Variants in SSH1 observed in about 807,000 individuals in gnomAD.
The protein encoded by SSH1 is protein phosphatase Slingshot homolog 1.
In SSH1, 43 loss-of-function variants were observed where a neutral mutation model predicts 79.7. That is an observed-to-expected ratio of 0.54 (90% CI 0.42 to 0.70). SSH1 has a LOEUF of 0.70. Among genes scored for constraint, SSH1 ranks in the 30% least tolerant of loss-of-function variants. SSH1 has a pLI of 0.00. For synonymous variants in SSH1, 599 were observed against 538.3 expected (o/e 1.11, Z -1.56); for missense variants, 1,206 against 1,358.8 (o/e 0.89, Z 1.77).
Position 108,843,366 on chromosome 12 carries a change from C to A in SSH1, c.110+9272G>T, listed in dbSNP as rs865812866. ...AACTTACAAGACCTCTAGGGCCTAT[C>A]CAGGGCAAACTGGGCACTGTGAGGC... On this transcript the variant is annotated intron_variant, in intron 2 of 14. Transcript: ENST00000326495. Among the ~76,000 whole-genome samples, 20 of 152,300 alleles carry A rather than the reference C, an allele frequency of 1.3e-4. No homozygotes were observed. The Middle Eastern group carries it at 0.01, about 78-fold the overall frequency.
intron 10 of SSH1, among the ~76,000 whole-genome samples, chr12:108,803,763 A>G (rs1030323081): frequency 6.6e-6 from 1 of 152,192 alleles, no homozygotes; most frequent in Non-Finnish European, 1.5e-5. Context: ...ACAGACTTCC[A>G]GGGAGATCAG....
intron 5 of SSH1, among the ~76,000 whole-genome samples, chr12:108,812,463 G>C (rs1358464016): frequency 6.6e-6 from 1 of 152,240 alleles, no homozygotes; most frequent in Non-Finnish European, 1.5e-5. Context: ...ATAAGGAGGT[G>C]GGTACAGCAC....
At chr12:108,806,541 G>A (rs1039825430) in intron 8 of SSH1, 147 bp from the exon 9 acceptor site, 17 of 757,902 alleles carry the variant, frequency 2.2e-5, no homozygotes, top group Non-Finnish European at 4.0e-5. Flanking sequence ...TCAGGCAGCA[G>A]GGAGAGGTGC....
At chr12:108,854,610 C>T (rs1004149061) in intron 1 of SSH1, among the ~76,000 whole-genome samples, 8 of 152,338 alleles carry the variant, frequency 5.3e-5, no homozygotes, top group African/African-American at 1.9e-4. Flanking sequence ...AAGTGTCTGA[C>T]TCATTATGAA....
chr12:108,802,514 G>T, intron 10 of SSH1, 146 bp from the exon 11 acceptor site: 1 of 682,360 alleles, frequency 1.5e-6, no homozygotes, highest in Non-Finnish European at 2.6e-6. Flanking sequence ...ACCAGCGGCT[G>T]ATATTCAAGG....
chr12:108,846,546 G>A (rs1051066563), intron 2 of SSH1, among the ~76,000 whole-genome samples: 15 of 152,354 alleles, frequency 9.8e-5, no homozygotes, highest in Non-Finnish European at 7.3e-5. Context: ...AGGGGAGAGC[G>A]AGGGAAATGG....
rs751360865 is a variant in SSH1, at chr12:108,799,062, G to A, written c.1287C>T (p.Ile429=). 9 of 1,614,016 alleles carry A rather than the reference G, an allele frequency of 5.6e-6. 1 individual carries two copies. The South Asian group carries it at 9.9e-5, about 18-fold the overall frequency. Residue 429 remains isoleucine, a synonymous_variant, in exon 13 of 15, where the codon ATC becomes ATT. Coordinates refer to ENST00000326495, the MANE Select transcript of SSH1 (RefSeq NM_018984.4). The part of the protein sequence containing the change: ...AYNYVKQKRS[I]TRPNAGFMRQ... Reference sequence around the variant, plus strand: ...TCATAAAGCCCGCGTTGGGGCGCGTGATGCTGCGCTTCTGCTTTACATAGT... The same window carrying A: ...TCATAAAGCCCGCGTTGGGGCGCGTAATGCTGCGCTTCTGCTTTACATAGT...
chr12:108,793,889 G>A (rs1373694546), intron 13 of SSH1, among the ~76,000 whole-genome samples: 1 of 152,232 alleles, frequency 6.6e-6, no homozygotes, highest in African/African-American at 2.4e-5. Flanking sequence ...ATCCCAGCCA[G>A]CAGCTACTCA....
At position 108,788,653 on chromosome 12, in the gene SSH1, G is replaced by A. The variant is rs1299286423; in HGVS notation, c.2485C>T (p.Leu829=). The A allele has an allele frequency of 1.2e-6, 2 of 1,613,888 alleles. No homozygotes were observed. Among genetic ancestry groups the A allele is most frequent in the African/African-American group, 1.3e-5 (1 of 74,940 alleles). Residue 829 remains leucine (L), a synonymous_variant, in exon 15 of 15, where the codon CTA becomes TTA. Transcript: ENST00000326495. ...AGLVRKHTKE[L]ERLKSVPADP... The stretch of plus-strand genomic sequence containing the variant: ...GCAGGCACGCTCTTCAGCCGCTCTA[G>A]CTCTTTGGTGTGCTTGCGGACCAAG...
chr12:108,818,029 A>C (rs997251553), intron 4 of SSH1, among the ~76,000 whole-genome samples: 1 of 151,974 alleles, frequency 6.6e-6, no homozygotes, highest in African/African-American at 2.4e-5. Context: ...GCAAGACCCC[A>C]TATCCACAAA....
At position 108,829,122 on chromosome 12, in the gene SSH1, G is replaced by C. The variant is rs974845380; in HGVS notation, c.111-5761C>G. ...ATGGGTGGATCATTTGAGGTCAGGA[G>C]TTCGAGACTAGCATGGTCAACATGG... On this transcript the variant is annotated intron_variant, in intron 2 of 14. Transcript: ENST00000326495. Among the ~76,000 whole-genome samples, 80 of 152,130 alleles carry C rather than the reference G, an allele frequency of 5.3e-4. 4 individuals are homozygous for C. The highest frequency in any genetic ancestry group is 7.3e-5 in the Non-Finnish European group (5 of 68,028).
At position 108,807,528 on chromosome 12, in the gene SSH1, G is replaced by T; in HGVS notation, c.731+105C>A. On this transcript the variant is annotated intron_variant, in intron 8 of 14. Coordinates refer to ENST00000326495, the MANE Select transcript of SSH1 (RefSeq NM_018984.4). This position sits in a 1 kb window ranked among gnomAD's most constrained non-coding sequence, Gnocchi z 5.2. ...AGGGTTCTCACTCAAGGGACTCCAG[G>T]GGAGGTGTGGCCCAATGCAGGTTCA... 3.7e-6 allele frequency: 4 copies of T among 1,085,864 alleles called. No individual in the cohort carries two copies. Among genetic ancestry groups the T allele is most frequent in the Non-Finnish European group, 5.6e-6 (4 of 720,552 alleles). The allele number at this position is 1,085,864 out of a possible 1,614,324, so 67.3% of individuals were successfully genotyped here.
chr12:108,844,429 G>A (rs1330152213), intron 2 of SSH1, among the ~76,000 whole-genome samples: 1 of 152,176 alleles, frequency 6.6e-6, no homozygotes, highest in African/African-American at 2.4e-5. Flanking sequence ...GACTCTGCAA[G>A]GCTCGCTCCC....
At chr12:108,846,754 G>A (rs951309793) in intron 2 of SSH1, among the ~76,000 whole-genome samples, 5 of 152,204 alleles carry the variant, frequency 3.3e-5, no homozygotes, top group African/African-American at 7.2e-5. Flanking sequence ...CATCCATGGT[G>A]GGCGCCCTCT....
Position 108,789,786 on chromosome 12 carries a change from AC to A in SSH1, c.1894-543del, listed in dbSNP as rs555911044. Among the ~76,000 whole-genome samples the A allele has an allele frequency of 4.4e-4, 66 of 151,710 alleles. 1 individual carries two copies. The highest frequency in any genetic ancestry group is 1.6e-3 in the African/African-American group (65 of 41,432). ...GCAGGAAGGAGGAGGGCACCCCCCT[AC>A]CCCACCCCGCCTGCACAGGACTGTA... On this transcript the variant is annotated intron_variant, in intron 14 of 14. Coordinates refer to ENST00000326495, the MANE Select transcript of SSH1 (RefSeq NM_018984.4).
At chr12:108,800,381 G>A (rs545602432) in intron 12 of SSH1, among the ~76,000 whole-genome samples, 2 of 152,244 alleles carry the variant, frequency 1.3e-5, no homozygotes, top group South Asian at 4.1e-4. Context: ...GCCCGTGTCC[G>A]TGCATGTCAT....
chr12:108,810,955 G>C (rs2037557610), intron 6 of SSH1, among the ~76,000 whole-genome samples: 1 of 152,270 alleles, frequency 6.6e-6, no homozygotes, highest in Admixed American at 6.5e-5. Context: ...CATGCGGTGA[G>C]AGTTCACTTA....
Position 108,789,152 on chromosome 12 carries a change from C to T in SSH1, c.1986G>A (p.Glu662=). The change falls in exon 15 of 15, where the codon GAG becomes GAA. Residue 662 remains glutamate, a synonymous_variant. Coordinates refer to ENST00000326495, the MANE Select transcript of SSH1 (RefSeq NM_018984.4). ...GGTCCTCACATCGCTCCCTGGAGGCCTCAGGAGCCCCGCTGGCTGTAGGGT... is the reference window on the plus strand; with the variant it reads ...GGTCCTCACATCGCTCCCTGGAGGCTTCAGGAGCCCCGCTGGCTGTAGGGT... The part of the protein sequence containing the change: ...CMYPTASGAP[E]ASRERCEDPN... The T allele has an allele frequency of 6.2e-7, 1 of 1,613,170 alleles. No homozygotes were observed. Among genetic ancestry groups the T allele is most frequent in the Non-Finnish European group, 8.5e-7 (1 of 1,179,560 alleles).
chr12:108,818,731 G>C (rs996953419), intron 3 of SSH1, among the ~76,000 whole-genome samples: 1 of 152,172 alleles, frequency 6.6e-6, no homozygotes, highest in Non-Finnish European at 1.5e-5. Context: ...TAGAGAAAAA[G>C]GACAGAGCAT....
Sources: gnomAD v4.1 joint callset for allele counts (sites outside exome capture counted in the v4.1 genomes callset) on GRCh38, gnomAD v4.1.1 for gene constraint, Gnocchi (gnomAD v3.1) non-coding constraint, MANE v1.5 for transcripts, NCBI Gene and HGNC (gene_info 2026-07-23, HGNC 2026-07-21) for gene names.